The following HSDL2 variants were observed in gnomAD, a reference collection of about 807,000 sequenced individuals.
The protein encoded by HSDL2 is hydroxysteroid dehydrogenase-like protein 2.
Under a neutral mutation model 46.3 loss-of-function variants are expected in HSDL2, and 27 were observed. The ratio of observed to expected loss-of-function variants is 0.58; its 90% CI spans 0.43 to 0.80. HSDL2 has a LOEUF of 0.80. Ranked by LOEUF, HSDL2 falls within the 30% of genes least tolerant of loss-of-function variation. The pLI, the probability that HSDL2 is intolerant of heterozygous loss-of-function variation, is 0.00. For synonymous variants in HSDL2, 153 were observed against 163.6 expected (o/e 0.94, Z 0.50); for missense variants, 451 against 502.7 (o/e 0.90, Z 0.98).
At chr9:112,455,658 T>C (rs1301977524) in intron 9 of HSDL2, among the ~76,000 whole-genome samples, 3 of 152,248 alleles carry the variant, frequency 2.0e-5, no homozygotes, top group African/African-American at 7.2e-5. Context: ...TTCTGTGTTT[T>C]TGTGGTCAGC....
intron 10 of HSDL2, among the ~76,000 whole-genome samples, chr9:112,465,005 T>A (rs188932542): frequency 1.3e-5 from 2 of 152,360 alleles, no homozygotes; most frequent in African/African-American, 4.8e-5. Flanking sequence ...TAATATGTGA[T>A]CTTTTGTGAC....
At chr9:112,413,498 AAAAAAG>A (rs1564113649) in intron 4 of HSDL2, among the ~76,000 whole-genome samples, 3 of 121,734 alleles carry the variant, frequency 2.5e-5, no homozygotes, top group African/African-American at 5.7e-5. Context: ...AAAAAAAGAA[AAAAAAG>A]AAAAGAAAAG....
intron 6 of HSDL2, among the ~76,000 whole-genome samples, chr9:112,423,264 G>T (rs1832165068): frequency 6.6e-6 from 1 of 152,200 alleles, no homozygotes; most frequent in African/African-American, 2.4e-5. Flanking sequence ...TTTAATAATT[G>T]TCTCTAGCCA....
At chr9:112,433,224 G>A (rs1832449031) in intron 6 of HSDL2, among the ~76,000 whole-genome samples, 1 of 152,204 alleles carries the variant, frequency 6.6e-6, no homozygotes. Context: ...GGCAGAGGGA[G>A]CGACGCATGC....
At chr9:112,407,847 C>T (rs1225983443) in intron 3 of HSDL2, among the ~76,000 whole-genome samples, 1 of 152,194 alleles carries the variant, frequency 6.6e-6, no homozygotes, top group Non-Finnish European at 1.5e-5. Context: ...TCATTAAGTA[C>T]ACTTCACAAA....
At chr9:112,470,244 T>C (rs566048567) in intron 10 of HSDL2, among the ~76,000 whole-genome samples, 188 bp from the exon 11 acceptor site, 1 of 152,356 alleles carries the variant, frequency 6.6e-6, no homozygotes, top group East Asian at 1.9e-4. Flanking sequence ...CTTAATAGGA[T>C]ATTGTTAACA....
chr9:112,450,274 A>G (rs569605150), intron 8 of HSDL2, among the ~76,000 whole-genome samples: 237 of 73,244 alleles, frequency 3.2e-3, no homozygotes, highest in African/African-American at 0.014. Flanking sequence ...CATCTCTACC[A>G]ATAGAAAAAA....
intron 6 of HSDL2, among the ~76,000 whole-genome samples, chr9:112,436,956 TTTTC>T (rs1832538902): frequency 1.6e-5 from 2 of 122,622 alleles, no homozygotes; most frequent in African/African-American, 6.5e-5. Flanking sequence ...TCTTTTCTTT[TTTTC>T]TTTTTTTTTT....
At chr9:112,438,837 T>G (rs1832584981) in intron 7 of HSDL2, 1 of 13,748 alleles carries the variant, frequency 7.3e-5, no homozygotes, top group Non-Finnish European at 1.7e-4. Flanking sequence ...TTTGAAGTGA[T>G]ATATATATAT....
chr9:112,401,219 T>C (rs773045492), intron 1 of HSDL2, among the ~76,000 whole-genome samples: 3 of 152,114 alleles, frequency 2.0e-5, no homozygotes, highest in African/African-American at 4.8e-5. Flanking sequence ...CCCAGCACTT[T>C]GGGAAGCCAA....
At chr9:112,412,769 G>A (rs552597611) in intron 4 of HSDL2, among the ~76,000 whole-genome samples, 9 of 152,090 alleles carry the variant, frequency 5.9e-5, no homozygotes, top group Non-Finnish European at 1.2e-4. Context: ...AAAAATGAAA[G>A]TGATGTCTTA....
chr9:112,462,595 G>A (rs1244752789), intron 10 of HSDL2, among the ~76,000 whole-genome samples: 1 of 126,370 alleles, frequency 7.9e-6, no homozygotes, highest in African/African-American at 3.2e-5. Flanking sequence ...TACCTGAGGA[G>A]GGGGATGTGT....
At chr9:112,459,341 TTA>T in intron 9 of HSDL2, 106 bp from the exon 10 acceptor site, 1 of 1,272,594 alleles carries the variant, frequency 7.9e-7, no homozygotes, top group Non-Finnish European at 1.1e-6. Context: ...TCTGGGGATT[TTA>T]ACTTGGAAAA....
At chr9:112,431,369 T>A (rs1832393328) in intron 6 of HSDL2, among the ~76,000 whole-genome samples, 1 of 152,090 alleles carries the variant, frequency 6.6e-6, no homozygotes, top group Admixed American at 6.5e-5. Flanking sequence ...GAAAGGACTA[T>A]TGTCCATTTC....
chr9:112,422,455 G>T (rs1219043692), intron 6 of HSDL2, among the ~76,000 whole-genome samples: 1 of 152,178 alleles, frequency 6.6e-6, no homozygotes, highest in African/African-American at 2.4e-5. Flanking sequence ...ACTAAAAATA[G>T]ATTGTGTTTT....
chr9:112,468,077 G>A (rs1833446145), intron 10 of HSDL2, among the ~76,000 whole-genome samples: 1 of 152,122 alleles, frequency 6.6e-6, no homozygotes, highest in African/African-American at 2.4e-5. Context: ...TTTCCAGGTT[G>A]CAATTCATTT....
chr9:112,426,570 A>T (rs777016340), intron 6 of HSDL2, among the ~76,000 whole-genome samples: 1 of 152,110 alleles, frequency 6.6e-6, no homozygotes, highest in Non-Finnish European at 1.5e-5. Context: ...TTAGGTGTAC[A>T]TCCTGCAGCT....
chr9:112,456,301 G>C (rs1833020192), intron 9 of HSDL2, among the ~76,000 whole-genome samples: 1 of 152,164 alleles, frequency 6.6e-6, no homozygotes, highest in Non-Finnish European at 1.5e-5. Flanking sequence ...ACACCCTGCT[G>C]ATACCATTTG....
At chr9:112,413,643 T>C (rs1385166966) in intron 4 of HSDL2, among the ~76,000 whole-genome samples, 1 of 152,240 alleles carries the variant, frequency 6.6e-6, no homozygotes, top group Admixed American at 6.5e-5. Context: ...TCATGTTAAA[T>C]GCTTTTAGAA....
Sources: gnomAD v4.1 joint callset for allele counts (sites outside exome capture counted in the v4.1 genomes callset) on GRCh38, gnomAD v4.1.1 for gene constraint, MANE v1.5 for transcripts, NCBI Gene and HGNC (gene_info 2026-07-23, HGNC 2026-07-21) for gene names.